The following NLGN1 variants were observed in gnomAD, a reference collection of about 807,000 sequenced individuals.
The protein encoded by NLGN1 is neuroligin 1.
NLGN1 carries 12 observed loss-of-function variants against 65.5 expected under a neutral mutation model. The ratio of observed to expected loss-of-function variants is 0.18; its 90% CI spans 0.12 to 0.30. NLGN1 has a LOEUF of 0.30. NLGN1 is among the 10% of genes least tolerant of loss of function. NLGN1 has a pLI of 1.00. For missense variants in NLGN1, 750 were observed against 1,007.1 expected (o/e 0.74, Z 3.46); for synonymous variants, 350 against 359.5 (o/e 0.97, Z 0.30).
intron 4 of NLGN1, among the ~76,000 whole-genome samples, chr3:174,242,273 A>G (rs1743026892): frequency 6.6e-6 from 1 of 152,016 alleles, no homozygotes; most frequent in African/African-American, 2.4e-5. Context: ...GTGCCAGTCC[A>G]TGGCCTGTTA....
intron 4 of NLGN1, among the ~76,000 whole-genome samples, chr3:173,903,603 G>T (rs1485480240): frequency 6.6e-6 from 1 of 152,146 alleles, no homozygotes; most frequent in Non-Finnish European, 1.5e-5. Context: ...TGATTAAACA[G>T]TGAGAATAAT....
chr3:173,924,729 T>A (rs1472558111), intron 4 of NLGN1, among the ~76,000 whole-genome samples: 3 of 152,134 alleles, frequency 2.0e-5, no homozygotes, highest in Non-Finnish European at 4.4e-5. Flanking sequence ...GAATTATATA[T>A]TTTTAAATGT....
intron 2 of NLGN1, among the ~76,000 whole-genome samples, chr3:173,591,486 G>C (rs1748476632): frequency 6.6e-6 from 1 of 152,122 alleles, no homozygotes; most frequent in African/African-American, 2.4e-5. Context: ...CTAGTAGACA[G>C]CTACTCCTTA....
At chr3:173,528,643 A>G (rs900266301) in intron 2 of NLGN1, among the ~76,000 whole-genome samples, 2 of 152,162 alleles carry the variant, frequency 1.3e-5, no homozygotes, top group African/African-American at 2.4e-5. Context: ...TTTTTAAAAC[A>G]TATTTTCTCT....
chr3:174,061,867 A>C lies in NLGN1; in HGVS notation c.647-213448A>C, dbSNP rs139364823. ...CTCTAGAAATTATGTGTAAAAGTGC[A>C]GCAGTTGATTGCATGTCTCACAAGC... is the stretch of plus-strand genomic sequence containing the variant. On this transcript the variant is annotated intron_variant, in intron 4 of 6. Coordinates refer to ENST00000457714, the Ensembl canonical transcript of NLGN1. 5.2e-4 allele frequency among the ~76,000 whole-genome samples: 79 copies of C among 152,258 alleles called. No homozygotes were observed. In the East Asian group the frequency reaches 8.1e-3, roughly 16 times the overall value.
rs867584791 is a variant in NLGN1 at position 173,599,998 on chromosome 3, T to C, written c.-320-4281T>C. ...CAAGATGCTTCATCTTTGGGATCAA[T>C]TGGGGGGCATTTTAATCCCAACTCT... On this transcript the variant is annotated intron_variant, in intron 2 of 6. Transcript: ENST00000457714. Among the ~76,000 whole-genome samples the C allele has an allele frequency of 5.9e-5, 9 of 152,016 alleles. No individual in the cohort carries two copies. In the South Asian group the frequency reaches 6.2e-4, roughly 11 times the overall value.
At chr3:173,545,069 G>GTTTGT (rs58762495) in intron 2 of NLGN1, among the ~76,000 whole-genome samples, 84,965 of 150,418 alleles carry the variant, frequency 0.56, 23,969 homozygotes, top group East Asian at 0.8. Context: ...TGTTTTTTTT[G>GTTTGT]TTTGTTTTGT....
rs138291487 is a variant in NLGN1 at position 174,091,290 on chromosome 3, T to C, written c.647-184025T>C. ...TCTTATAACCATCAGGCGGTTTCTA[T>C]ATTTATTCAAAAATTATAGAATGCA... On this transcript the variant is annotated intron_variant, in intron 4 of 6. Transcript: ENST00000457714. Among the ~76,000 whole-genome samples the C allele has an allele frequency of 5.6e-3, 848 of 152,366 alleles. 12 individuals carry two copies. Among genetic ancestry groups the C allele is most frequent in the African/African-American group, 0.02 (819 of 41,596 alleles).
chr3:174,146,090 TCTTTTC>T lies in NLGN1; in HGVS notation c.647-129221_647-129216del, dbSNP rs1293304773. On this transcript the variant is annotated intron_variant, in intron 4 of 6. Coordinates refer to ENST00000457714, the Ensembl canonical transcript of NLGN1. ...AATATAACCTATTAATCTATTCTACTCTTTTCCTTCCTTCCTTCCTTCCTTCCTTCC... is the reference window on the plus strand; with the variant it reads ...AATATAACCTATTAATCTATTCTACTCTTCCTTCCTTCCTTCCTTCCTTCC... 2.3e-3 allele frequency among the ~76,000 whole-genome samples: 351 copies of T among 150,146 alleles called. 15 individuals carry two copies. The East Asian group carries it at 0.058, about 25-fold the overall frequency.
intron 2 of NLGN1, among the ~76,000 whole-genome samples, chr3:173,574,634 C>T (rs551132150): frequency 3.9e-5 from 6 of 152,006 alleles, no homozygotes; most frequent in African/African-American, 9.6e-5. Context: ...ATGGACAAGC[C>T]CAATTACAAA....
intron 3 of NLGN1, among the ~76,000 whole-genome samples, chr3:173,660,972 A>G (rs1760836995): frequency 6.6e-6 from 1 of 152,012 alleles, no homozygotes; most frequent in East Asian, 1.9e-4. Context: ...TCATTTATAA[A>G]CAAAGGGAGT....
intron 3 of NLGN1, among the ~76,000 whole-genome samples, chr3:173,751,008 G>T (rs1205385504): frequency 1.3e-5 from 2 of 152,012 alleles, no homozygotes; most frequent in African/African-American, 4.8e-5. Context: ...CCCTATTTCT[G>T]CAGGGTATAA....
At chr3:174,023,706 G>A (rs1728237586) in intron 4 of NLGN1, among the ~76,000 whole-genome samples, 1 of 152,110 alleles carries the variant, frequency 6.6e-6, no homozygotes, top group African/African-American at 2.4e-5. Flanking sequence ...GTTAATAGCT[G>A]GGAAATCGCA....
intron 4 of NLGN1, among the ~76,000 whole-genome samples, chr3:174,004,054 G>A (rs976989921): frequency 6.6e-6 from 1 of 152,060 alleles, no homozygotes; most frequent in Non-Finnish European, 1.5e-5. Flanking sequence ...TCTGTGGATT[G>A]GGTTTTGTTT....
chr3:174,276,290 T>G (rs1400402968), intron 5 of NLGN1, among the ~76,000 whole-genome samples: 1 of 151,914 alleles, frequency 6.6e-6, no homozygotes, highest in Non-Finnish European at 1.5e-5. Flanking sequence ...TTGTTCTTTA[T>G]GAACTCCATC....
At chr3:173,517,759 T>TATCTATCTATC (rs1734052308) in intron 2 of NLGN1, among the ~76,000 whole-genome samples, 1 of 139,918 alleles carries the variant, frequency 7.1e-6, no homozygotes. Flanking sequence ...TTTATCTATC[T>TATCTATCTATC]ATCTATCTAT....
At chr3:173,521,662 G>A (rs78011721) in intron 2 of NLGN1, among the ~76,000 whole-genome samples, 2,712 of 152,148 alleles carry the variant, frequency 0.018, 37 homozygotes, top group Non-Finnish European at 0.026. Context: ...AACCTCCCAG[G>A]CTGATTAGGA....
intron 3 of NLGN1, among the ~76,000 whole-genome samples, chr3:173,675,729 A>T (rs1763034841): frequency 6.6e-6 from 1 of 151,946 alleles, no homozygotes; most frequent in African/African-American, 2.4e-5. Flanking sequence ...TAGAAATGCA[A>T]AACAAGGATC....
chr3:174,119,774 T>C (rs1450309787), intron 4 of NLGN1, among the ~76,000 whole-genome samples: 1 of 152,214 alleles, frequency 6.6e-6, no homozygotes, highest in East Asian at 1.9e-4. Context: ...TTCTGTAGAA[T>C]ACTAGTACAT....
Sources: allele counts gnomAD v4.1 joint callset (sites outside exome capture counted in the v4.1 genomes callset), GRCh38; gene constraint gnomAD v4.1.1; transcripts MANE v1.5; gene names NCBI Gene and HGNC (gene_info 2026-07-23, HGNC 2026-07-21).